TCF12: variants seen among roughly 807,000 people sequenced by gnomAD.
TCF12 encodes the protein DNA-binding protein HTF4.
Under a neutral mutation model 86.0 loss-of-function variants are expected in TCF12, and 45 were observed. The ratio of observed to expected loss-of-function variants is 0.52; its 90% CI spans 0.41 to 0.67. The LOEUF is 0.67. TCF12 is among the 30% of genes least tolerant of loss of function. TCF12 has a pLI of 0.00. For missense variants in TCF12, 881 were observed against 859.9 expected (o/e 1.02, Z -0.31); for synonymous variants, 330 against 299.6 (o/e 1.10, Z -1.05).
intron 3 of TCF12, among the ~76,000 whole-genome samples, chr15:56,944,246 C>G (rs1320700322): frequency 2.0e-5 from 3 of 152,124 alleles, no homozygotes; most frequent in African/African-American, 4.8e-5. Flanking sequence ...TTTATCTTGT[C>G]TCTTGCAGAA....
At chr15:57,165,156 G>C (rs545998283) in intron 5 of TCF12, among the ~76,000 whole-genome samples, 6 of 150,196 alleles carry the variant, frequency 4.0e-5, no homozygotes, top group African/African-American at 1.2e-4. Context: ...GTGTGTGTGT[G>C]TGTGTGTGCG....
chr15:56,981,937 G>A (rs1461869562), intron 3 of TCF12, among the ~76,000 whole-genome samples: 3 of 152,208 alleles, frequency 2.0e-5, no homozygotes, highest in Non-Finnish European at 4.4e-5. Flanking sequence ...GGTGGAAGGG[G>A]CAGAAGAGGT....
chr15:57,082,607 T>A (rs1322542911), intron 4 of TCF12, among the ~76,000 whole-genome samples: 1 of 152,210 alleles, frequency 6.6e-6, no homozygotes, highest in Non-Finnish European at 1.5e-5. Context: ...TTTTATCATT[T>A]GGGAAGTGTG....
At chr15:57,024,216 C>CTTTTTTTTTTTTTTTTTTTTTTTT (rs59793819) in intron 3 of TCF12, among the ~76,000 whole-genome samples, 8 of 111,294 alleles carry the variant, frequency 7.2e-5, no homozygotes, top group African/African-American at 2.5e-4. Context: ...AAAAAAGTGT[C>CTTTTTTTTTTTTTTTTTTTTTTTT]TTTTTTTTTT....
In TCF12 at chr15:57,188,274, A is replaced by G. The variant is rs139769123; in HGVS notation, c.391-3884A>G. Among the ~76,000 whole-genome samples the G allele has an allele frequency of 2.2e-4, 33 of 152,276 alleles. No individual in the cohort carries two copies. The East Asian group carries it at 5.6e-3, about 26-fold the overall frequency. On this transcript the variant is annotated intron_variant, in intron 6 of 20. Transcript: ENST00000333725. ...CTAAGAATTAATTTGAACATGAAAT[A>G]TAAGACTTGTACCCTGGAAACTACA...
At chr15:57,048,071 G>A (rs1031913384) in intron 3 of TCF12, among the ~76,000 whole-genome samples, 1 of 152,110 alleles carries the variant, frequency 6.6e-6, no homozygotes, top group Non-Finnish European at 1.5e-5. Context: ...TTGTTATGTG[G>A]TGCATGACTT....
At chr15:57,016,610 G>A (rs1268621887) in intron 3 of TCF12, among the ~76,000 whole-genome samples, 3 of 152,020 alleles carry the variant, frequency 2.0e-5, no homozygotes, top group Non-Finnish European at 4.4e-5. Flanking sequence ...TTGATAGAAT[G>A]GCATACTTAT....
chr15:56,936,036 G>T (rs1175086404), intron 3 of TCF12, among the ~76,000 whole-genome samples: 1 of 152,146 alleles, frequency 6.6e-6, no homozygotes, highest in Non-Finnish European at 1.5e-5. Context: ...TCAAATGGTA[G>T]TTCTACTTTT....
At chr15:57,176,205 A>G (rs1225044855) in intron 6 of TCF12, among the ~76,000 whole-genome samples, 1 of 152,196 alleles carries the variant, frequency 6.6e-6, no homozygotes, top group Non-Finnish European at 1.5e-5. Flanking sequence ...CTCTAGAGAA[A>G]AAGAAATAGA....
At chr15:57,019,634 G>A (rs1209948430) in intron 3 of TCF12, among the ~76,000 whole-genome samples, 6 of 152,258 alleles carry the variant, frequency 3.9e-5, no homozygotes, top group Middle Eastern at 3.4e-3. Context: ...CCACAGGACC[G>A]GTTTGAGTCA....
chr15:57,034,385 C>T (rs537760169), intron 3 of TCF12, among the ~76,000 whole-genome samples: 1 of 151,848 alleles, frequency 6.6e-6, no homozygotes, highest in Non-Finnish European at 1.5e-5. Flanking sequence ...TTTATTTAGT[C>T]GAGTTTGTAG....
rs2055085084 is a variant in TCF12, at chr15:57,168,751, A to C, written c.390+2285A>C. On this transcript the variant is annotated intron_variant, in intron 6 of 20. Coordinates refer to ENST00000333725, the MANE Select transcript of TCF12 (RefSeq NM_207037.2). The stretch of plus-strand genomic sequence containing the variant: ...TTCAGAGTACAACAAAATTTGAAAA[A>C]CTAAGTTGTGGCCAGGCGCGGTGGC... 1.3e-5 allele frequency among the ~76,000 whole-genome samples: 2 copies of C among 152,004 alleles called. 1 individual carries two copies. The highest frequency in any genetic ancestry group is 4.2e-4 in the South Asian group (2 of 4,812).
At chr15:56,986,805 T>G (rs2063200523) in intron 3 of TCF12, among the ~76,000 whole-genome samples, 1 of 152,186 alleles carries the variant, frequency 6.6e-6, no homozygotes, top group Non-Finnish European at 1.5e-5. Flanking sequence ...GTAAGATGTG[T>G]TGTTAACCTA....
chr15:57,212,280 T>TTTG (rs148696571), intron 8 of TCF12, among the ~76,000 whole-genome samples: 1 of 151,998 alleles, frequency 6.6e-6, no homozygotes. Flanking sequence ...CTTTTGTTCA[T>TTTG]TTGTTGTTGT....
At chr15:57,157,594 A>G (rs1017959787) in intron 5 of TCF12, among the ~76,000 whole-genome samples, 20 of 133,356 alleles carry the variant, frequency 1.5e-4, no homozygotes, top group Non-Finnish European at 3.0e-4. Flanking sequence ...GAGTCTTGCT[A>G]TGTCACCACC....
At chr15:57,115,222 T>C (rs16977245) in intron 5 of TCF12, among the ~76,000 whole-genome samples, 6,845 of 152,278 alleles carry the variant, frequency 0.045, 442 homozygotes, top group African/African-American at 0.14. Flanking sequence ...AATTATAGTT[T>C]AGTTCCTCTT....
chr15:56,931,363 T>C (rs2060240938), intron 3 of TCF12, among the ~76,000 whole-genome samples: 1 of 152,180 alleles, frequency 6.6e-6, no homozygotes, highest in Admixed American at 6.5e-5. Context: ...AGTTAAAGCA[T>C]GCAGAGAAAT....
chr15:57,092,026 T>G lies in TCF12; in HGVS notation c.325+135T>G. ...AGTTTCTAGGGGCATCTAGGGCTTT[T>G]CTTGTTCAGCACAGCTTGAGGATCA... On this transcript the variant is annotated intron_variant, in intron 5 of 20. Transcript: ENST00000333725. 4.9e-6 allele frequency: 3 copies of G among 618,100 alleles called. No individual in the cohort carries two copies. In the Admixed American group the frequency reaches 8.4e-5, roughly 17 times the overall value. The allele number at this position is 618,100 out of a possible 1,614,324, so 38.3% of individuals were successfully genotyped here.
chr15:57,259,938 AAT>A (rs2060513766), intron 16 of TCF12, among the ~76,000 whole-genome samples: 1 of 152,228 alleles, frequency 6.6e-6, no homozygotes, highest in South Asian at 2.1e-4. Flanking sequence ...TTCTCCAGAA[AAT>A]ATATGAGGGC....
Sources: allele counts gnomAD v4.1 joint callset (sites outside exome capture counted in the v4.1 genomes callset), GRCh38; gene constraint gnomAD v4.1.1; transcripts MANE v1.5; gene names NCBI Gene and HGNC (gene_info 2026-07-23, HGNC 2026-07-21).